Variants in SYTL4 observed in about 807,000 individuals in gnomAD.
SYTL4 encodes synaptotagmin-like protein 4.
SYTL4 carries 16 observed loss-of-function variants against 52.7 expected under a neutral mutation model. The ratio of observed to expected loss-of-function variants is 0.30; its 90% CI spans 0.21 to 0.46. SYTL4 has a LOEUF of 0.46. Among genes scored for constraint, SYTL4 ranks in the 20% least tolerant of loss-of-function variants. The pLI, the probability that SYTL4 is intolerant of heterozygous loss-of-function variation, is 1.00. For synonymous variants in SYTL4, 160 were observed against 186.6 expected, an observed-to-expected ratio of 0.86 and a Z score of 1.16; for missense variants, 423 against 519.9, an observed-to-expected ratio of 0.81 and a Z score of 1.81.
intron 2 of SYTL4, among the ~76,000 whole-genome samples, chrX:100,711,410 C>T (rs1035050004): frequency 9.0e-6 from 1 of 111,516 alleles, no homozygotes; most frequent in Non-Finnish European, 1.9e-5. Flanking sequence ...GTCATCAAAG[C>T]AGTTATTATA....
intron 15 of SYTL4, chrX:100,686,434 CA>C (rs1451090141): frequency 5.2e-6 from 2 of 388,287 alleles, no homozygotes; most frequent in Non-Finnish European, 8.8e-6. Flanking sequence ...CTCCTTATCT[CA>C]AATGTCTTTT....
intron 2 of SYTL4, among the ~76,000 whole-genome samples, chrX:100,721,707 T>C (rs1319454142): frequency 9.0e-6 from 1 of 111,646 alleles, no homozygotes; most frequent in South Asian, 3.8e-4. Context: ...CTCAGATTTC[T>C]TGGATGGGGG....
intron 16 of SYTL4, chrX:100,684,599 A>C (rs1322099023): frequency 9.0e-6 from 1 of 111,487 alleles, no homozygotes; most frequent in Non-Finnish European, 1.9e-5. Context: ...GTGTACAATG[A>C]GGTCCATGTG....
Position 100,675,889 on chromosome X carries a change from TACACATACACACAC to T in SYTL4, c.*125_*138del, listed in dbSNP as rs2083267452. On this transcript the variant is annotated 3_prime_UTR_variant, in exon 20 of 20. Transcript: ENST00000372989. ...GAGATTTGCAGAAAATACATGTTTG[TACACATACACACAC>T]ACACACACACACACACATACACACA... 6 of 401,661 alleles carry T rather than the reference TACACATACACACAC, an allele frequency of 1.5e-5. No homozygotes were observed. The Admixed American group carries it at 2.6e-4, about 17-fold the overall frequency. The allele number at this position is 401,661 out of a possible 1,213,427, so 33.1% of individuals were successfully genotyped here.
chrX:100,716,773 T>C (rs1029438669), intron 2 of SYTL4, among the ~76,000 whole-genome samples: 2 of 110,987 alleles, frequency 1.8e-5, no homozygotes, highest in Non-Finnish European at 3.8e-5. Context: ...CCCCTTTCAA[T>C]TTTAGGGTGA....
At position 100,678,612 on chromosome X, in the gene SYTL4, G is replaced by A. The variant is rs753425172; in HGVS notation, c.1659-13C>T. The A allele has an allele frequency of 1.3e-5, 16 of 1,186,265 alleles. No homozygotes were observed. Among genetic ancestry groups the A allele is most frequent in the Non-Finnish European group, 1.6e-5 (14 of 874,264 alleles). On this transcript the variant is annotated splice_polypyrimidine_tract_variant and intron_variant, in intron 18 of 19. Coordinates refer to ENST00000372989, the MANE Select transcript of SYTL4 (RefSeq NM_001370165.1). ...GGGAAGGAGGTATCTGGCAGAGGGC[G>A]GGGAGTAATCAACAGCCTACTCAAA... is the stretch of plus-strand genomic sequence containing the variant.
rs774002634 is a variant in SYTL4 at position 100,686,161 on chromosome X, G to A, written c.1288-10C>T. ...ATTCTGGGATCTCATACTGTGAAGGGAAAGTAAAAGCCCAAGATGATTAGT... is the reference window on the plus strand; with the variant it reads ...ATTCTGGGATCTCATACTGTGAAGGAAAAGTAAAAGCCCAAGATGATTAGT... On this transcript the variant is annotated splice_polypyrimidine_tract_variant and intron_variant, in intron 15 of 19. Transcript: ENST00000372989. 1.7e-6 allele frequency: 2 copies of A among 1,194,996 alleles called. No homozygotes were observed. The highest frequency in any genetic ancestry group is 3.5e-5 in the African/African-American group (2 of 56,738).
In SYTL4 at chrX:100,687,243, A is replaced by G. The variant is rs2083492249; in HGVS notation, c.1008T>C (p.Ser336=). The G allele has an allele frequency of 2.3e-5, 28 of 1,208,993 alleles. No individual in the cohort carries two copies. Among genetic ancestry groups the G allele is most frequent in the Non-Finnish European group, 3.1e-5 (28 of 894,022 alleles). The change falls in exon 14 of 20, where the codon AGT becomes AGC. Residue 336 remains serine, a splice_region_variant and synonymous_variant. Transcript: ENST00000372989. ...AGATGCTCATCATGCTGCCGATCGT[A>G]CTCTGAAGATAAAGCACCCACGAAC... The part of the protein sequence containing the change: ...RSSMQSGSSM[S]TIGSMMSIYS...
intron 15 of SYTL4, chrX:100,686,372 T>C (rs5921626): frequency 0.33 from 128,692 of 391,591 alleles, 16,214 homozygotes; most frequent in East Asian, 0.54. Flanking sequence ...ATTCATTTTT[T>C]CTTAAGTGGA....
At chrX:100,724,032 C>G (rs1367140193) in intron 2 of SYTL4, among the ~76,000 whole-genome samples, 1 of 99,837 alleles carries the variant, frequency 1.0e-5, no homozygotes, top group Non-Finnish European at 2.0e-5. Context: ...GTCAGCCCCC[C>G]GCCCAGCCAG....
At chrX:100,714,149 A>AC (rs1192114279) in intron 2 of SYTL4, among the ~76,000 whole-genome samples, 17 of 112,327 alleles carry the variant, frequency 1.5e-4, no homozygotes, top group African/African-American at 4.9e-4. Flanking sequence ...TAAACATTTT[A>AC]ATATTAAATG....
At chrX:100,689,756 T>A in intron 12 of SYTL4, 100 bp downstream of exon 12, 1 of 465,812 alleles carries the variant, frequency 2.1e-6, no homozygotes, top group Non-Finnish European at 3.5e-6. Flanking sequence ...TGCCTTTTCT[T>A]AAAGAATTAA....
intron 2 of SYTL4, among the ~76,000 whole-genome samples, chrX:100,716,009 T>C (rs1267224926): frequency 2.9e-5 from 3 of 104,812 alleles, no homozygotes; most frequent in Admixed American, 1.0e-4. Context: ...AATGACAGCA[T>C]CTAAAGCAGA....
chrX:100,698,824 C>T (rs2083771724), intron 8 of SYTL4, among the ~76,000 whole-genome samples: 2 of 111,650 alleles, frequency 1.8e-5, no homozygotes, highest in Admixed American at 1.9e-4. Context: ...AAGTATAAAA[C>T]TAAAAGGAAA....
At chrX:100,709,838 G>A (rs190466828) in intron 2 of SYTL4, among the ~76,000 whole-genome samples, 2 of 112,333 alleles carry the variant, frequency 1.8e-5, no homozygotes, top group Admixed American at 1.9e-4. Context: ...TTTAAAGAAT[G>A]CAGATGAATT....
rs777643731 is a variant in SYTL4, at chrX:100,719,990, GCTC to G, written c.-240+11425_-240+11427del. Among the ~76,000 whole-genome samples, 23 of 111,740 alleles carry G rather than the reference GCTC, an allele frequency of 2.1e-4. No homozygotes were observed. In the South Asian group the frequency reaches 7.5e-3, roughly 36 times the overall value. ...TCATGATTCTACACGTTTGTCCCCTGCTCCTCAGCAACTCTAGAAGGTGCCTTA... is the reference window on the plus strand; with the variant it reads ...TCATGATTCTACACGTTTGTCCCCTGCTCAGCAACTCTAGAAGGTGCCTTA... On this transcript the variant is annotated intron_variant, in intron 2 of 19. Transcript: ENST00000372989.
intron 8 of SYTL4, among the ~76,000 whole-genome samples, chrX:100,698,787 G>A (rs1018118937): frequency 8.9e-6 from 1 of 111,958 alleles, no homozygotes; most frequent in Non-Finnish European, 1.9e-5. Flanking sequence ...GTGGTATAAG[G>A]CCTGGTTGTA....
intron 2 of SYTL4, among the ~76,000 whole-genome samples, chrX:100,724,742 G>A (rs1361256844): frequency 4.2e-4 from 45 of 107,539 alleles, no homozygotes; most frequent in African/African-American, 1.5e-3. Context: ...GCGGAAGGCC[G>A]CAGGGTCCTC....
At chrX:100,696,681 A>G (rs964643284) in intron 8 of SYTL4, among the ~76,000 whole-genome samples, 4 of 111,768 alleles carry the variant, frequency 3.6e-5, no homozygotes, top group Non-Finnish European at 7.5e-5. Context: ...AAAGAAATTA[A>G]AAACTTAGGA....
Sources: allele counts gnomAD v4.1 joint callset (sites outside exome capture counted in the v4.1 genomes callset), GRCh38; gene constraint gnomAD v4.1.1; transcripts MANE v1.5; gene names NCBI Gene and HGNC (gene_info 2026-07-23, HGNC 2026-07-21).